Variants in NEGR1 observed in about 807,000 individuals in gnomAD.
NEGR1 encodes the protein IgLON family member 4.
A neutral mutation model predicts 40.9 loss-of-function variants in NEGR1; 10 were observed. That is an observed-to-expected ratio of 0.24 (90% CI 0.15 to 0.42). The LOEUF is 0.42. Among genes scored for constraint, NEGR1 ranks in the 10% least tolerant of loss-of-function variants. The pLI, the probability that NEGR1 is intolerant of heterozygous loss-of-function variation, is 1.00. For missense variants in NEGR1, 352 were observed against 438.9 expected, an observed-to-expected ratio of 0.80 and a Z score of 1.77; for synonymous variants, 185 against 166.8, an observed-to-expected ratio of 1.11 and a Z score of -0.84.
intron 6 of NEGR1, among the ~76,000 whole-genome samples, chr1:71,531,204 C>T (rs1647347644): frequency 6.6e-6 from 1 of 151,212 alleles, no homozygotes; most frequent in Non-Finnish European, 1.5e-5. Flanking sequence ...TTTCCAAAAA[C>T]ATGAAGTCAG....
At chr1:71,562,518 T>C (rs2101482246) in intron 6 of NEGR1, among the ~76,000 whole-genome samples, 1 of 152,048 alleles carries the variant, frequency 6.6e-6, no homozygotes, top group African/African-American at 2.4e-5. Context: ...AGCAGGTACT[T>C]TCAATTAAGT....
At chr1:71,476,337 A>G (rs995688793) in intron 6 of NEGR1, among the ~76,000 whole-genome samples, 8 of 152,130 alleles carry the variant, frequency 5.3e-5, no homozygotes, top group African/African-American at 1.9e-4. Flanking sequence ...ATTAAAATCA[A>G]TAAAATAAGC....
At chr1:71,722,196 C>G (rs1331657912) in intron 3 of NEGR1, among the ~76,000 whole-genome samples, 1 of 152,092 alleles carries the variant, frequency 6.6e-6, no homozygotes, top group Non-Finnish European at 1.5e-5. Flanking sequence ...GAGGTAACAA[C>G]TCACGAACTG....
At chr1:71,769,371 C>T (rs183673450) in intron 3 of NEGR1, among the ~76,000 whole-genome samples, 6 of 152,072 alleles carry the variant, frequency 3.9e-5, no homozygotes, top group African/African-American at 1.4e-4. Context: ...TAAAGAGGCC[C>T]CTTAATTTCA....
At chr1:72,261,933 G>A (rs1655471298) in intron 1 of NEGR1, among the ~76,000 whole-genome samples, 1 of 152,024 alleles carries the variant, frequency 6.6e-6, no homozygotes, top group African/African-American at 2.4e-5. Context: ...TTTGGGTGAT[G>A]TATACACTAA....
rs540845993 is a variant in NEGR1, at chr1:71,944,872, A to T, written c.177-9561T>A. On this transcript the variant is annotated intron_variant, in intron 1 of 6. Transcript: ENST00000357731. Reference sequence around the variant, plus strand: ...TAGCCTTGCAATCAGTTACTATAGTAGCCATTAACCCATATTTGTCTGTCT... The same window carrying T: ...TAGCCTTGCAATCAGTTACTATAGTTGCCATTAACCCATATTTGTCTGTCT... 4.6e-5 allele frequency among the ~76,000 whole-genome samples: 7 copies of T among 152,318 alleles called. No individual in the cohort carries two copies. The South Asian group carries it at 1.0e-3, about 23-fold the overall frequency.
At chr1:72,222,540 G>T (rs1654048077) in intron 1 of NEGR1, among the ~76,000 whole-genome samples, 1 of 152,162 alleles carries the variant, frequency 6.6e-6, no homozygotes, top group African/African-American at 2.4e-5. Context: ...ACATGGGGAT[G>T]TATAAACTTC....
chr1:71,657,824 T>A (rs1651926512), intron 4 of NEGR1, among the ~76,000 whole-genome samples: 1 of 152,210 alleles, frequency 6.6e-6, no homozygotes, highest in African/African-American at 2.4e-5. Context: ...TCTTTCATAA[T>A]ACAGAAAAGA....
At chr1:71,491,430 G>A (rs1271159683) in intron 6 of NEGR1, among the ~76,000 whole-genome samples, 2 of 151,914 alleles carry the variant, frequency 1.3e-5, no homozygotes, top group Non-Finnish European at 2.9e-5. Flanking sequence ...TTCAGAAAAC[G>A]TGAAGGAATA....
At chr1:71,494,016 C>T (rs1646946252) in intron 6 of NEGR1, among the ~76,000 whole-genome samples, 1 of 152,132 alleles carries the variant, frequency 6.6e-6, no homozygotes, top group Non-Finnish European at 1.5e-5. Context: ...TCTTCTCTTT[C>T]CTTGAACACT....
intron 1 of NEGR1, among the ~76,000 whole-genome samples, chr1:72,241,907 G>C (rs909948451): frequency 3.3e-5 from 5 of 151,660 alleles, no homozygotes; most frequent in Non-Finnish European, 7.4e-5. Flanking sequence ...AAACCTGCAA[G>C]ATAAGTCTAT....
At chr1:71,957,552 C>T (rs1046697601) in intron 1 of NEGR1, among the ~76,000 whole-genome samples, 2 of 152,102 alleles carry the variant, frequency 1.3e-5, no homozygotes, top group Non-Finnish European at 2.9e-5. Context: ...GCCTATATTT[C>T]TGCAGCTGAG....
At chr1:72,198,167 C>A (rs1308663450) in intron 1 of NEGR1, among the ~76,000 whole-genome samples, 1 of 151,962 alleles carries the variant, frequency 6.6e-6, no homozygotes, top group Non-Finnish European at 1.5e-5. Flanking sequence ...AAAATAAATA[C>A]CATATTTCTA....
intron 2 of NEGR1, among the ~76,000 whole-genome samples, chr1:71,870,069 G>A (rs187275150): frequency 1.8e-3 from 273 of 151,858 alleles, no homozygotes; most frequent in South Asian, 7.9e-3. Flanking sequence ...TAGTAGAGAC[G>A]GGGTTTCGCC....
chr1:71,543,082 AT>A (rs1424153396), intron 6 of NEGR1, among the ~76,000 whole-genome samples: 1 of 151,782 alleles, frequency 6.6e-6, no homozygotes. Context: ...TGTAAGCTTC[AT>A]AAAGCCAGGA....
chr1:72,149,533 C>T (rs933125231), intron 1 of NEGR1, among the ~76,000 whole-genome samples: 7 of 152,084 alleles, frequency 4.6e-5, no homozygotes, highest in Admixed American at 3.3e-4. Context: ...ACATACATTT[C>T]TCAAGGAACC....
At chr1:72,248,950 T>C (rs573862360) in intron 1 of NEGR1, among the ~76,000 whole-genome samples, 1 of 152,324 alleles carries the variant, frequency 6.6e-6, no homozygotes, top group Admixed American at 6.5e-5. Context: ...TCTGTAAAGT[T>C]AGACTTGATT....
intron 1 of NEGR1, among the ~76,000 whole-genome samples, chr1:72,014,030 G>A (rs1646686170): frequency 7.4e-6 from 1 of 135,072 alleles, no homozygotes; most frequent in African/African-American, 2.8e-5. Flanking sequence ...AGAAATTGTA[G>A]AATTTCAAAA....
chr1:72,063,481 G>A (rs1455921710), intron 1 of NEGR1, among the ~76,000 whole-genome samples: 4 of 151,758 alleles, frequency 2.6e-5, no homozygotes, highest in South Asian at 4.2e-4. Flanking sequence ...CCATTGTAAC[G>A]GCAAAAACAG....
Sources: allele counts gnomAD v4.1 joint callset (sites outside exome capture counted in the v4.1 genomes callset), GRCh38; gene constraint gnomAD v4.1.1; transcripts MANE v1.5; gene names NCBI Gene and HGNC (gene_info 2026-07-23, HGNC 2026-07-21).